AANAT: variants seen among roughly 807,000 people sequenced by gnomAD.
AANAT encodes aralkylamine N-acetyltransferase.
In AANAT, 11 loss-of-function variants were observed where a neutral mutation model predicts 15.6. That is an observed-to-expected ratio of 0.71 (90% CI 0.44 to 1.17). The LOEUF (loss-of-function observed/expected upper bound fraction) is 1.17, where lower values mean the gene tolerates loss of function less well. AANAT is among the 50% of genes most tolerant of loss of function. The probability of loss-of-function intolerance (pLI) is 0.00; values close to 1 mark genes in which losing one functional copy is unlikely to be tolerated. For missense variants in AANAT, 286 were observed against 296.3 expected (o/e 0.97, Z 0.26); for synonymous variants, 139 against 131.5 (o/e 1.06, Z -0.39).
upstream of AANAT, among the ~76,000 whole-genome samples, chr17:76,467,065 A>G (rs2073445850): frequency 6.6e-6 from 1 of 151,972 alleles, no homozygotes; most frequent in African/African-American, 2.4e-5. Context: ...CAACAGGGAG[A>G]GGGGCCTGCA....
chr17:76,457,849 A>G (rs1160449678), intron 1 of AANAT, among the ~76,000 whole-genome samples: 1 of 152,212 alleles, frequency 6.6e-6, no homozygotes, highest in Non-Finnish European at 1.5e-5. Flanking sequence ...AGACCTGGCC[A>G]ACATGGCAAA....
upstream of AANAT, among the ~76,000 whole-genome samples, chr17:76,465,529 G>A (rs980910155): frequency 4.6e-5 from 7 of 151,820 alleles, no homozygotes; most frequent in Non-Finnish European, 8.8e-5. Context: ...AGAGACAGGG[G>A]TCTTGCTATG....
chr17:76,457,908 C>A (rs55850050), intron 1 of AANAT, among the ~76,000 whole-genome samples: 1 of 152,178 alleles, frequency 6.6e-6, no homozygotes, highest in South Asian at 2.1e-4. Flanking sequence ...TGGTGGCGGG[C>A]GCCTGAAATC....
upstream of AANAT, chr17:76,466,220 C>T (rs1567865772): frequency 6.5e-7 from 1 of 1,535,088 alleles, no homozygotes; most frequent in Admixed American, 2.0e-5. Context: ...TTGGGGGACC[C>T]TGGAGGTTGA....
At chr17:76,464,602 A>G (rs60974102), upstream of AANAT, among the ~76,000 whole-genome samples, 2,887 of 152,202 alleles carry the variant, frequency 0.019, 46 homozygotes, top group African/African-American at 0.041. Context: ...TTGTGGATAC[A>G]GGACTTTCAA....
At chr17:76,466,684 C>A (rs537049841), upstream of AANAT, among the ~76,000 whole-genome samples, 4 of 152,326 alleles carry the variant, frequency 2.6e-5, no homozygotes, top group Non-Finnish European at 4.4e-5. Context: ...GGTTACTGAA[C>A]CTGTCTGTGC....
At chr17:76,459,869 C>G (rs1487427677) in intron 2 of AANAT, among the ~76,000 whole-genome samples, 2 of 152,226 alleles carry the variant, frequency 1.3e-5, no homozygotes. Flanking sequence ...TCATTTCCAT[C>G]TCTTGCCTAG....
chr17:76,467,692 G>A lies in AANAT; in HGVS notation c.-111G>A. 2 of 985,480 alleles carry A rather than the reference G, an allele frequency of 2.0e-6. No homozygotes were observed. Among genetic ancestry groups the A allele is most frequent in the Non-Finnish European group, 2.4e-6 (2 of 829,950 alleles). The allele number at this position is 985,480 out of a possible 1,614,324, so 61.0% of individuals were successfully genotyped here. A position where few individuals can be genotyped will look rare whatever the true frequency, so the allele number is the denominator to read the frequency against. The stretch of plus-strand genomic sequence containing the variant: ...ACAGGCCCCCAGGGCTAGCGGCTTT[G>A]TGGAGGGAACACTGGGTATCCTCTC... On this transcript the variant is annotated 5_prime_UTR_variant, in exon 1 of 4. In the 5' UTR this introduces an upstream ATG that the reference lacks. Transcript: ENST00000392492.
At chr17:76,455,269 T>C (rs1415561076) in intron 1 of AANAT, among the ~76,000 whole-genome samples, 2 of 151,992 alleles carry the variant, frequency 1.3e-5, no homozygotes, top group Non-Finnish European at 2.9e-5. Context: ...CTGGCCAACA[T>C]GGCAAAACCC....
rs73998905 is a variant in AANAT at position 76,468,421 on chromosome 17, A to G, written c.-75-251A>G. Among the ~76,000 whole-genome samples the G allele has an allele frequency of 8.9e-3, 1,356 of 152,238 alleles. 12 individuals are homozygous for G. Among genetic ancestry groups the G allele is most frequent in the African/African-American group, 0.03 (1,249 of 41,538 alleles). ...AGCACCCAGACGGCACCCTGAGACCAATGTCTGCAGGTCTGCAAGGTGGCA... is the reference window on the plus strand; with the variant it reads ...AGCACCCAGACGGCACCCTGAGACCGATGTCTGCAGGTCTGCAAGGTGGCA... On this transcript the variant is annotated intron_variant, in intron 1 of 3. Transcript: ENST00000392492.
At chr17:76,461,675 T>A (rs2073390531) in intron 2 of AANAT, among the ~76,000 whole-genome samples, 1 of 131,426 alleles carries the variant, frequency 7.6e-6, no homozygotes. Flanking sequence ...AATCAGTCAG[T>A]GGTGGGTGCA....
chr17:76,468,570 C>A, intron 1 of AANAT, 102 bp from the exon 2 acceptor site: 1 of 1,057,556 alleles, frequency 9.5e-7, no homozygotes, highest in Non-Finnish European at 1.3e-6. Flanking sequence ...TAGGGGCTGT[C>A]TCCACCCCAG....
intron 1 of AANAT, among the ~76,000 whole-genome samples, chr17:76,454,477 T>C (rs890764236): frequency 6.6e-5 from 10 of 151,134 alleles, no homozygotes; most frequent in Non-Finnish European, 4.4e-5. Flanking sequence ...AGAGCAAGAC[T>C]CTGTCTCAAA....
Position 76,469,130 on chromosome 17 carries a change from G to C in AANAT, c.164-43G>C. The C allele has an allele frequency of 6.2e-7, 1 of 1,610,742 alleles. No homozygotes were observed. The highest frequency in any genetic ancestry group is 8.5e-7 in the Non-Finnish European group (1 of 1,177,980). Reference sequence around the variant, plus strand: ...GGGGTGCAGCAGACAGTGGACGCGAGGCACAGCGACTACCAGTCACCCACC... The same window carrying C: ...GGGGTGCAGCAGACAGTGGACGCGACGCACAGCGACTACCAGTCACCCACC... On this transcript the variant is annotated intron_variant, in intron 2 of 3. Transcript: ENST00000392492. This position sits in a 1 kb window ranked among gnomAD's most constrained non-coding sequence, Gnocchi z 5.2.
chr17:76,469,348 C>T lies in AANAT; in HGVS notation c.318+21C>T, dbSNP rs766153570. The T allele has an allele frequency of 6.2e-7, 1 of 1,613,066 alleles. No individual in the cohort carries two copies. Among genetic ancestry groups the T allele is most frequent in the Admixed American group, 1.7e-5 (1 of 59,994 alleles). On this transcript the variant is annotated intron_variant, in intron 3 of 3. Coordinates refer to ENST00000392492, the MANE Select transcript of AANAT (RefSeq NM_001088.3). This position sits in a 1 kb window ranked among gnomAD's most constrained non-coding sequence, Gnocchi z 5.2. ...TGCAGGTGAGGACAGGGCTGCGACG[C>T]CCAGCTCCAGGGAGGCCTCTGAAGA...
intron 1 of AANAT, among the ~76,000 whole-genome samples, chr17:76,455,310 G>A (rs1598634397): frequency 6.6e-6 from 1 of 152,020 alleles, no homozygotes; most frequent in East Asian, 1.9e-4. Context: ...AATTAGCTGG[G>A]CAAGGTGGCA....
intron 1 of AANAT, among the ~76,000 whole-genome samples, chr17:76,458,068 G>A (rs545437158): frequency 2.6e-5 from 4 of 152,208 alleles, no homozygotes; most frequent in South Asian, 4.2e-4. Flanking sequence ...TCATGTTAGC[G>A]GATATCAAAG....
intron 2 of AANAT, among the ~76,000 whole-genome samples, chr17:76,461,025 C>G (rs1410469881): frequency 2.6e-5 from 4 of 151,246 alleles, no homozygotes; most frequent in Non-Finnish European, 5.9e-5. Context: ...AATAGCCAGG[C>G]GTGGTGGCAT....
At chr17:76,458,007 G>A (rs771948629) in intron 1 of AANAT, among the ~76,000 whole-genome samples, 3 of 152,228 alleles carry the variant, frequency 2.0e-5, no homozygotes, top group Non-Finnish European at 4.4e-5. Flanking sequence ...CTGCACTTCA[G>A]CCTGGGAGAT....
Sources: allele counts gnomAD v4.1 joint callset (sites outside exome capture counted in the v4.1 genomes callset), GRCh38; gene constraint gnomAD v4.1.1; non-coding constraint Gnocchi (gnomAD v3.1); transcripts MANE v1.5; gene names NCBI Gene and HGNC (gene_info 2026-07-23, HGNC 2026-07-21).